PCDHGC5: variants seen among roughly 807,000 people sequenced by gnomAD.
PCDHGC5 encodes the protein protocadherin gamma subfamily C, 5.
PCDHGC5 carries 25 observed loss-of-function variants against 59.0 expected under a neutral mutation model. The ratio of observed to expected loss-of-function variants is 0.42; its 90% CI spans 0.31 to 0.59. PCDHGC5 has a LOEUF of 0.59. Ranked by LOEUF, PCDHGC5 falls within the 20% of genes least tolerant of loss-of-function variation. PCDHGC5 has a pLI of 0.13. For missense variants in PCDHGC5, 1,067 were observed against 1,206.4 expected (o/e 0.88, Z 1.71); for synonymous variants, 434 against 505.5 (o/e 0.86, Z 1.90).
rs980196319 is a variant in PCDHGC5 at position 141,511,604 on chromosome 5, A to C, written c.*431A>C. 3 of 248,420 alleles carry C rather than the reference A, an allele frequency of 1.2e-5. No individual in the cohort carries two copies. Among genetic ancestry groups the C allele is most frequent in the African/African-American group, 6.6e-5 (3 of 45,596 alleles). The allele number at this position is 248,420 out of a possible 1,614,324, so 15.4% of individuals were successfully genotyped here. Reference sequence around the variant, plus strand: ...GGTGTTGAAGTACCAAGTAACCTACAAGCCTCCTAGTTCTGAAAAGTTGGA... The same window carrying C: ...GGTGTTGAAGTACCAAGTAACCTACCAGCCTCCTAGTTCTGAAAAGTTGGA... On this transcript the variant is annotated 3_prime_UTR_variant, in exon 4 of 4. Coordinates refer to ENST00000252087, the MANE Select transcript of PCDHGC5 (RefSeq NM_018929.3).
chr5:141,509,179 C>T (rs895281717), intron 3 of PCDHGC5, among the ~76,000 whole-genome samples: 1 of 152,172 alleles, frequency 6.6e-6, no homozygotes, highest in African/African-American at 2.4e-5. Flanking sequence ...TCCTCTTATG[C>T]CGGCTTGAAA....
intron 2 of PCDHGC5, among the ~76,000 whole-genome samples, chr5:141,500,189 TTTATTTATTTA>T (rs1562193895): frequency 9.9e-5 from 11 of 110,956 alleles, no homozygotes; most frequent in Middle Eastern, 4.3e-3. Flanking sequence ...TTTATTTTTA[TTTATTTATTTA>T]TTTATTTATT....
Position 141,491,900 on chromosome 5 carries a change from G to C in PCDHGC5, c.2460+200G>C. ...TAAGGGATGGGGCTCCGAGCACCGG[G>C]GGTGGTGGCGACTGTGGGCGAGGGG... On this transcript the variant is annotated intron_variant, in intron 1 of 3. Transcript: ENST00000252087. This position sits in a 1 kb window ranked among gnomAD's most constrained non-coding sequence, Gnocchi z 6.9. 1 of 1,429,936 alleles carries C rather than the reference G, an allele frequency of 7.0e-7. No homozygotes were observed. Among genetic ancestry groups the C allele is most frequent in the South Asian group, 1.5e-5 (1 of 67,072 alleles). 88.6% of individuals were successfully genotyped at this position (1,429,936 alleles called of 1,614,324 possible). A position where few individuals can be genotyped will look rare whatever the true frequency, so the allele number is the denominator to read the frequency against.
At chr5:141,496,662 T>A (rs557106775) in intron 2 of PCDHGC5, among the ~76,000 whole-genome samples, 1 of 152,344 alleles carries the variant, frequency 6.6e-6, no homozygotes, top group African/African-American at 2.4e-5. Flanking sequence ...TGACCCCAGC[T>A]GTTGTCCTTC....
chr5:141,498,042 A>G (rs1189035278), intron 2 of PCDHGC5, among the ~76,000 whole-genome samples: 2 of 152,238 alleles, frequency 1.3e-5, no homozygotes, highest in Non-Finnish European at 2.9e-5. Flanking sequence ...AATAATTACA[A>G]AAATAAATGT....
intron 3 of PCDHGC5, among the ~76,000 whole-genome samples, chr5:141,508,533 C>A (rs1396219805): frequency 6.6e-6 from 1 of 152,160 alleles, no homozygotes; most frequent in Non-Finnish European, 1.5e-5. Flanking sequence ...CAGGGCACCC[C>A]CCACGAGGTG....
At chr5:141,505,777 TCTG>T (rs77860300) in intron 3 of PCDHGC5, among the ~76,000 whole-genome samples, 6,508 of 152,280 alleles carry the variant, frequency 0.043, 161 homozygotes, top group Middle Eastern at 0.13. Context: ...AGGTCCTAGC[TCTG>T]CTACTATCCT....
chr5:141,496,772 T>C (rs994207358), intron 2 of PCDHGC5, among the ~76,000 whole-genome samples: 9 of 152,008 alleles, frequency 5.9e-5, no homozygotes, highest in African/African-American at 1.2e-4. Flanking sequence ...GCATCTACTA[T>C]GAGCAGGGCC....
chr5:141,494,556 T>C (rs909822734), intron 1 of PCDHGC5, among the ~76,000 whole-genome samples: 18 of 152,120 alleles, frequency 1.2e-4, no homozygotes, highest in African/African-American at 4.3e-4. Context: ...GCCATTTCTT[T>C]AGGAAAGGAG....
chr5:141,506,207 TTGGGAAGCTGAG>T (rs1487107822), intron 3 of PCDHGC5, among the ~76,000 whole-genome samples: 1 of 152,020 alleles, frequency 6.6e-6, no homozygotes, highest in Non-Finnish European at 1.5e-5. Flanking sequence ...TCCCAGCACT[TTGGGAAGCTGAG>T]GCAGGAGGAT....
chr5:141,495,603 C>T (rs2099762369), intron 2 of PCDHGC5, among the ~76,000 whole-genome samples: 1 of 152,238 alleles, frequency 6.6e-6, no homozygotes, highest in Non-Finnish European at 1.5e-5. Flanking sequence ...TAGCTTCCGT[C>T]TTGATTGCTG....
At chr5:141,501,402 G>A (rs527659990) in intron 2 of PCDHGC5, among the ~76,000 whole-genome samples, 5 of 151,740 alleles carry the variant, frequency 3.3e-5, no homozygotes, top group Non-Finnish European at 7.4e-5. Flanking sequence ...ACAGGCCACT[G>A]CTTGGAAAAT....
At chr5:141,494,583 G>A (rs2099755431) in intron 1 of PCDHGC5, among the ~76,000 whole-genome samples, 1 of 152,152 alleles carries the variant, frequency 6.6e-6, no homozygotes, top group Non-Finnish European at 1.5e-5. Flanking sequence ...CTTGCTCACT[G>A]TGGTCAGATG....
chr5:141,505,246 G>C, intron 2 of PCDHGC5, 147 bp from the exon 3 acceptor site: 2 of 1,436,674 alleles, frequency 1.4e-6, no homozygotes, highest in Non-Finnish European at 1.9e-6. Flanking sequence ...AAGGATTGTA[G>C]AAGTGCCTCC....
rs142995927 is a variant in PCDHGC5, at chr5:141,489,933, C to T, written c.693C>T (p.Ile231=). 38 of 1,614,064 alleles carry T rather than the reference C, an allele frequency of 2.4e-5. No homozygotes were observed. The highest frequency in any genetic ancestry group is 1.8e-4 in the South Asian group (16 of 91,084). Residue 231 remains isoleucine (I), a synonymous_variant, in exon 1 of 4, where the codon ATC becomes ATT. Transcript: ENST00000252087. This position sits in a 1 kb window ranked among gnomAD's most constrained non-coding sequence, Gnocchi z 4.5. ...ARSGTTLISV[I]VLDINDNAPT... is the part of the protein sequence containing the mutation. ...CAGGGACCACCCTTATCTCTGTCAT[C>T]GTGCTGGACATCAATGATAATGCTC...
rs749095017 is a variant in PCDHGC5, at chr5:141,489,455, G to A, written c.215G>A (p.Gly72Glu). 1 of 1,614,042 alleles carries A rather than the reference G, an allele frequency of 6.2e-7. No homozygotes were observed. ...CTGCAATTGGGCTCTGAGGAGAATGGGCGCTATTTTTCCCTGAGCTTGATG... is the reference window on the plus strand; with the variant it reads ...CTGCAATTGGGCTCTGAGGAGAATGAGCGCTATTTTTCCCTGAGCTTGATG... ...RRLQLGSEEN[G>E]RYFSLSLMSG... The change falls in exon 1 of 4, where the codon GGG becomes GAG. Residue 72 changes from glycine (G) to glutamate (E), a missense_variant. By Grantham distance (98) the Gly-to-Glu change is moderately conservative. Coordinates refer to ENST00000252087, the MANE Select transcript of PCDHGC5 (RefSeq NM_018929.3). This position sits in a 1 kb window ranked among gnomAD's most constrained non-coding sequence, Gnocchi z 4.5.
chr5:141,499,223 C>T (rs1478344280), intron 2 of PCDHGC5, among the ~76,000 whole-genome samples: 2 of 152,112 alleles, frequency 1.3e-5, no homozygotes, highest in African/African-American at 4.8e-5. Context: ...CCCTGCCCTG[C>T]AGCTGTCCCC....
At chr5:141,507,676 A>G (rs2099862523) in intron 3 of PCDHGC5, among the ~76,000 whole-genome samples, 1 of 152,252 alleles carries the variant, frequency 6.6e-6, no homozygotes, top group African/African-American at 2.4e-5. Flanking sequence ...TCCAGATGTT[A>G]AAAACAGAAA....
Position 141,491,482 on chromosome 5 carries a change from A to G in PCDHGC5, c.2242A>G (p.Asn748Asp). Residue 748 changes from asparagine to aspartate, a missense_variant, in exon 1 of 4, where the codon AAC (asparagine) becomes GAC (aspartate). Asn to Asp is a conservative substitution (Grantham distance 23). Coordinates refer to ENST00000252087, the MANE Select transcript of PCDHGC5 (RefSeq NM_018929.3). The surrounding 1 kb of genome is among the most constrained non-coding windows in gnomAD (Gnocchi z 6.9). The part of the protein sequence containing the change: ...SPDFYKQSSP[N>D]LQVSSDGTLK... Reference sequence around the variant, plus strand: ...GGACTTCTATAAGCAGTCCAGCCCCAACCTGCAGGTGAGCTCGGACGGCAC... The same window carrying G: ...GGACTTCTATAAGCAGTCCAGCCCCGACCTGCAGGTGAGCTCGGACGGCAC... 1 of 1,614,088 alleles carries G rather than the reference A, an allele frequency of 6.2e-7. No individual in the cohort carries two copies. The highest frequency in any genetic ancestry group is 8.5e-7 in the Non-Finnish European group (1 of 1,180,006).
Sources: gnomAD v4.1 joint callset for allele counts (sites outside exome capture counted in the v4.1 genomes callset) on GRCh38, gnomAD v4.1.1 for gene constraint, Gnocchi (gnomAD v3.1) non-coding constraint, MANE v1.5 for transcripts, NCBI Gene and HGNC (gene_info 2026-07-23, HGNC 2026-07-21) for gene names.